UBAP2: variants seen among roughly 807,000 people sequenced by gnomAD.
The protein encoded by UBAP2 is ubiquitin-associated protein 2.
In UBAP2, 75 loss-of-function variants were observed where a neutral mutation model predicts 139.6. The ratio of observed to expected loss-of-function variants is 0.54; its 90% confidence interval spans 0.45 to 0.65. The LOEUF (loss-of-function observed/expected upper bound fraction) is 0.65, where lower values mean the gene tolerates loss of function less well. Ranked by LOEUF, UBAP2 falls within the 30% of genes least tolerant of loss-of-function variation. UBAP2 has a pLI of 0.00. For missense variants in UBAP2, 1,368 were observed against 1,369.6 expected, an observed-to-expected ratio of 1.00 and a Z score of 0.02; for synonymous variants, 526 against 526.2, an observed-to-expected ratio of 1.00 and a Z score of 0.01.
At chr9:34,045,379 A>G (rs552327692) in intron 1 of UBAP2, among the ~76,000 whole-genome samples, 1 of 152,010 alleles carries the variant, frequency 6.6e-6, no homozygotes, top group South Asian at 2.1e-4. Context: ...AAAAATTAAA[A>G]AAAAAATTTT....
At chr9:34,035,514 A>AAATATATATATAT in intron 1 of UBAP2, among the ~76,000 whole-genome samples, 4 of 22,488 alleles carry the variant, frequency 1.8e-4, no homozygotes, top group South Asian at 9.7e-4. Context: ...AAAAAAAAAA[A>AAATATATATATAT]ATATATATAT....
rs11387718 is a variant in UBAP2, at chr9:34,022,433, C to CTTTTTTTT, written c.-41-5252_-41-5245dup. ...CAGGCTAGGCAACACAGCAAGACCC[C>CTTTTTTTT]TTTTTTTTTTTTTTTTTTTTTTAAG... On this transcript the variant is annotated intron_variant, in intron 1 of 28. Transcript: ENST00000379238. Among the ~76,000 whole-genome samples the CTTTTTTTT allele has an allele frequency of 4.5e-5, 5 of 112,350 alleles. No individual in the cohort carries two copies. The East Asian group carries it at 1.3e-3, about 29-fold the overall frequency. 73.7% of individuals were successfully genotyped at this position (112,350 alleles called of 152,430 possible). A position where few individuals can be genotyped will look rare whatever the true frequency, so the allele number is the denominator to read the frequency against.
At chr9:34,001,988 G>A in intron 2 of UBAP2, among the ~76,000 whole-genome samples, 1 of 151,300 alleles carries the variant, frequency 6.6e-6, no homozygotes, top group East Asian at 1.9e-4. Context: ...CAAAAAAACA[G>A]GGTTTCACTC....
chr9:33,965,056 C>T (rs1222013746), intron 8 of UBAP2, among the ~76,000 whole-genome samples: 1 of 152,170 alleles, frequency 6.6e-6, no homozygotes, highest in Non-Finnish European at 1.5e-5. Flanking sequence ...ATCATGTTCC[C>T]TTATAAATGC....
chr9:33,948,589 T>G lies in UBAP2; in HGVS notation c.1057-2A>C. 6.2e-7 allele frequency: 1 copy of G among 1,613,776 alleles called. No homozygotes were observed. The highest frequency in any genetic ancestry group is 8.5e-7 in the Non-Finnish European group (1 of 1,179,746). On this transcript the variant is annotated splice_acceptor_variant, in intron 12 of 28. Transcript: ENST00000379238. LOFTEE classifies it high-confidence loss of function. ...AAATCCTGAGCCAAGGACGGATGAC[T>G]TTAAAAGGGGGATAAAAGAACAAAT...
chr9:34,011,653 A>C (rs1237237781), intron 2 of UBAP2: 10 of 987,436 alleles, frequency 1.0e-5, no homozygotes, highest in Non-Finnish European at 1.2e-5. Context: ...AAGTGTCAAG[A>C]GGTCGGTACA....
At chr9:34,031,559 G>C (rs984355861) in intron 1 of UBAP2, among the ~76,000 whole-genome samples, 1 of 151,784 alleles carries the variant, frequency 6.6e-6, no homozygotes, top group Non-Finnish European at 1.5e-5. Context: ...CACCCGCCTC[G>C]GCCTCCCAAA....
intron 11 of UBAP2, 137 bp downstream of exon 11, chr9:33,955,942 T>C: frequency 1.7e-6 from 1 of 605,710 alleles, no homozygotes; most frequent in South Asian, 2.5e-5. Context: ...ATTTACCAAG[T>C]AGTGGTAAAA....
rs1325434798 is a variant in UBAP2, at chr9:34,035,524, T to TATATATATAC, written c.-42+13300_-42+13301insGTATATATAT. Among the ~76,000 whole-genome samples, 58 of 67,198 alleles carry TATATATATAC rather than the reference T, an allele frequency of 8.6e-4. 7 individuals are homozygous for TATATATATAC. Among genetic ancestry groups the TATATATATAC allele is most frequent in the Non-Finnish European group, 1.3e-3 (43 of 32,442 alleles). 44.1% of individuals were successfully genotyped at this position (67,198 alleles called of 152,430 possible). On this transcript the variant is annotated intron_variant, in intron 1 of 28. Coordinates refer to ENST00000379238, the MANE Select transcript of UBAP2 (RefSeq NM_001370062.2). ...CTAAAAAAAAAAAAAAATATATATA[T>TATATATATAC]ATAAAGATTAGCCAGGTTTGTGGTG...
chr9:33,994,022 G>C (rs1029589818), intron 4 of UBAP2, among the ~76,000 whole-genome samples: 29 of 151,830 alleles, frequency 1.9e-4, no homozygotes, highest in African/African-American at 6.8e-4. Flanking sequence ...AGCCGCCTGA[G>C]TAGCTGGGAT....
At chr9:34,031,918 C>G (rs188589288) in intron 1 of UBAP2, among the ~76,000 whole-genome samples, 181 of 152,246 alleles carry the variant, frequency 1.2e-3, no homozygotes, top group Middle Eastern at 3.4e-3. Context: ...GGGAGGACTT[C>G]TTGAGCCCAG....
intron 1 of UBAP2, among the ~76,000 whole-genome samples, chr9:34,031,880 TA>T (rs1303025122): frequency 6.6e-6 from 1 of 152,030 alleles, no homozygotes; most frequent in African/African-American, 2.4e-5. Flanking sequence ...TTCATGCCCG[TA>T]ATCTCAACAC....
chr9:34,045,640 G>A (rs1447163472), intron 1 of UBAP2, among the ~76,000 whole-genome samples: 1 of 152,042 alleles, frequency 6.6e-6, no homozygotes, highest in Admixed American at 6.6e-5. Flanking sequence ...CCAAAGTGCT[G>A]GGATTACAGA....
intron 2 of UBAP2, among the ~76,000 whole-genome samples, chr9:34,008,772 C>T (rs562550631): frequency 6.6e-6 from 1 of 151,908 alleles, no homozygotes; most frequent in East Asian, 1.9e-4. Flanking sequence ...CGAGACCATC[C>T]TGGCCAACAT....
chr9:34,043,030 G>A (rs542218848), intron 1 of UBAP2, among the ~76,000 whole-genome samples: 41 of 151,986 alleles, frequency 2.7e-4, no homozygotes, highest in Non-Finnish European at 2.6e-4. Flanking sequence ...ATCATGCCAA[G>A]ACACTCCATC....
At chr9:34,034,247 C>A (rs1587693071) in intron 1 of UBAP2, among the ~76,000 whole-genome samples, 1 of 152,174 alleles carries the variant, frequency 6.6e-6, no homozygotes, top group Admixed American at 6.6e-5. Flanking sequence ...AATATAAATA[C>A]TGATTTAATA....
intron 11 of UBAP2, among the ~76,000 whole-genome samples, chr9:33,953,772 T>C (rs558415): frequency 0.04 from 6,141 of 152,170 alleles, 270 homozygotes; most frequent in African/African-American, 0.1. Flanking sequence ...TAAAGTAAAA[T>C]TAAACAATTT....
intron 6 of UBAP2, among the ~76,000 whole-genome samples, chr9:33,977,052 T>C (rs1310967666): frequency 5.4e-5 from 8 of 149,172 alleles, no homozygotes; most frequent in Non-Finnish European, 5.9e-5. Context: ...ATTTTTTTTT[T>C]TTTTGAGACA....
At chr9:33,934,738 T>C (rs1419101017) in intron 17 of UBAP2, among the ~76,000 whole-genome samples, 1 of 151,958 alleles carries the variant, frequency 6.6e-6, no homozygotes, top group African/African-American at 2.4e-5. Context: ...AAATGAAAAG[T>C]AGGTTAATGT....
Sources: allele counts gnomAD v4.1 joint callset (sites outside exome capture counted in the v4.1 genomes callset), GRCh38; gene constraint gnomAD v4.1.1; transcripts MANE v1.5; gene names NCBI Gene and HGNC (gene_info 2026-07-23, HGNC 2026-07-21).